THSD7B: variants seen among roughly 807,000 people sequenced by gnomAD.
The protein encoded by THSD7B is thrombospondin type-1 domain-containing protein 7B.
Under a neutral mutation model 213.6 loss-of-function variants are expected in THSD7B, and 138 were observed. That is an observed-to-expected ratio of 0.65 (90% CI 0.56 to 0.74). The LOEUF is 0.74. THSD7B is among the 30% of genes least tolerant of loss of function. The pLI, the probability that THSD7B is intolerant of heterozygous loss-of-function variation, is 0.00. For synonymous variants in THSD7B, 742 were observed against 687.0 expected, an observed-to-expected ratio of 1.08 and a Z score of -1.25; for missense variants, 1,931 against 1,991.5, an observed-to-expected ratio of 0.97 and a Z score of 0.58.
intron 17 of THSD7B, among the ~76,000 whole-genome samples, chr2:137,602,232 G>T (rs976985428): frequency 1.3e-5 from 2 of 152,046 alleles, no homozygotes; most frequent in Non-Finnish European, 2.9e-5. Context: ...ATAAAGGAAA[G>T]ACATTTATTT....
At chr2:137,375,303 C>T (rs765525361) in intron 12 of THSD7B, among the ~76,000 whole-genome samples, 24 of 151,972 alleles carry the variant, frequency 1.6e-4, no homozygotes, top group African/African-American at 3.9e-4. Context: ...CACAAAAAAC[C>T]GGAGGTCATT....
At chr2:136,999,078 A>G (rs545967571) in intron 2 of THSD7B, among the ~76,000 whole-genome samples, 2 of 152,088 alleles carry the variant, frequency 1.3e-5, no homozygotes, top group African/African-American at 2.4e-5. Flanking sequence ...CATCTATTTT[A>G]TGTATTCCTT....
chr2:137,132,702 C>T (rs1000506661), intron 5 of THSD7B, among the ~76,000 whole-genome samples: 1 of 152,154 alleles, frequency 6.6e-6, no homozygotes, highest in Non-Finnish European at 1.5e-5. Context: ...CTGGTGCAAA[C>T]CTCTCTCAGA....
intron 4 of THSD7B, among the ~76,000 whole-genome samples, chr2:137,107,059 A>T (rs1445968822): frequency 6.6e-6 from 1 of 152,222 alleles, no homozygotes; most frequent in African/African-American, 2.4e-5. Flanking sequence ...CCTAAGGATT[A>T]TAAATCATTC....
chr2:137,286,261 C>T (rs972378741), intron 12 of THSD7B, among the ~76,000 whole-genome samples: 11 of 151,998 alleles, frequency 7.2e-5, no homozygotes, highest in African/African-American at 2.7e-4. Flanking sequence ...TGAAAGTGTT[C>T]TCCTCAGCTA....
At chr2:137,032,453 C>T (rs1686693705) in intron 2 of THSD7B, among the ~76,000 whole-genome samples, 1 of 152,170 alleles carries the variant, frequency 6.6e-6, no homozygotes, top group Non-Finnish European at 1.5e-5. Flanking sequence ...CATTTTGTGC[C>T]TATCCCAGTT....
At chr2:137,062,539 A>C (rs1396704143) in intron 3 of THSD7B, among the ~76,000 whole-genome samples, 1 of 151,668 alleles carries the variant, frequency 6.6e-6, no homozygotes, top group Admixed American at 6.6e-5. Context: ...AGTTCTAAAT[A>C]TTTTTGCATT....
intron 12 of THSD7B, among the ~76,000 whole-genome samples, chr2:137,315,493 A>G (rs975869314): frequency 2.0e-5 from 3 of 152,166 alleles, no homozygotes; most frequent in Non-Finnish European, 4.4e-5. Flanking sequence ...TGGGAGCTGT[A>G]GACCGGAGCT....
chr2:136,918,255 T>C (rs1684378497), intron 2 of THSD7B, among the ~76,000 whole-genome samples: 1 of 152,212 alleles, frequency 6.6e-6, no homozygotes, highest in Non-Finnish European at 1.5e-5. Context: ...TGACTTCTGA[T>C]GGAGGAACCT....
intron 12 of THSD7B, among the ~76,000 whole-genome samples, chr2:137,328,325 G>A (rs1684418576): frequency 6.6e-6 from 1 of 152,162 alleles, no homozygotes; most frequent in Non-Finnish European, 1.5e-5. Flanking sequence ...CTAGTTTCTA[G>A]TAGCAACAGA....
intron 2 of THSD7B, among the ~76,000 whole-genome samples, chr2:137,016,421 A>G (rs531961674): frequency 6.6e-6 from 1 of 152,288 alleles, no homozygotes; most frequent in African/African-American, 2.4e-5. Flanking sequence ...TCCATCTTTT[A>G]GAGGACTGTA....
chr2:136,996,560 A>G (rs892038631), intron 2 of THSD7B, among the ~76,000 whole-genome samples: 3 of 152,050 alleles, frequency 2.0e-5, no homozygotes, highest in African/African-American at 4.8e-5. Flanking sequence ...TGTCCAGGCT[A>G]GTCTTAAACC....
intron 7 of THSD7B, among the ~76,000 whole-genome samples, chr2:137,205,522 T>C (rs1403686669): frequency 1.3e-5 from 2 of 152,136 alleles, no homozygotes; most frequent in Non-Finnish European, 2.9e-5. Context: ...GTTCCTTTTT[T>C]GTTTTTGGTA....
At chr2:137,542,400 A>G (rs1680626210) in intron 15 of THSD7B, among the ~76,000 whole-genome samples, 1 of 151,626 alleles carries the variant, frequency 6.6e-6, no homozygotes, top group African/African-American at 2.4e-5. Context: ...ATAAACTAAA[A>G]CTGAGTATAT....
chr2:137,147,678 AC>A (rs2104971178), intron 5 of THSD7B, among the ~76,000 whole-genome samples: 1 of 152,192 alleles, frequency 6.6e-6, no homozygotes, highest in Admixed American at 6.5e-5. Context: ...AGGTCAGGGT[AC>A]CTACCTTCTG....
At chr2:137,094,320 C>T (rs551683842) in intron 3 of THSD7B, among the ~76,000 whole-genome samples, 2 of 152,180 alleles carry the variant, frequency 1.3e-5, no homozygotes, top group Non-Finnish European at 1.5e-5. Flanking sequence ...CCTGTAGTCC[C>T]AGTACTTTGG....
chr2:137,210,551 G>A (rs1380492885), intron 7 of THSD7B, among the ~76,000 whole-genome samples: 2 of 151,880 alleles, frequency 1.3e-5, no homozygotes, highest in African/African-American at 4.8e-5. Context: ...AACATTCAAG[G>A]ACAAATCTCT....
intron 12 of THSD7B, among the ~76,000 whole-genome samples, chr2:137,342,529 C>A (rs551054145): frequency 6.6e-5 from 10 of 151,686 alleles, no homozygotes; most frequent in Middle Eastern, 3.4e-3. Flanking sequence ...ATTGTTCTGA[C>A]AAGGACTTCC....
Position 137,097,769 on chromosome 2 carries a change from GACACACACACACACAC to G in THSD7B, c.1199+2673_1199+2688del, listed in dbSNP as rs3050089. 7.8e-5 allele frequency among the ~76,000 whole-genome samples: 11 copies of G among 141,458 alleles called. No individual in the cohort carries two copies. The South Asian group carries it at 2.6e-3, about 34-fold the overall frequency. The allele number at this position is 141,458 out of a possible 152,430, so 92.8% of individuals were successfully genotyped here. A position where few individuals can be genotyped will look rare whatever the true frequency, so the allele number is the denominator to read the frequency against. ...ACTGTTTGAAAATGCCGCTAAGTTT[GACACACACACACACAC>G]ACACACACACACACACACACACACC... is the stretch of plus-strand genomic sequence containing the variant. On this transcript the variant is annotated intron_variant, in intron 4 of 27. Transcript: ENST00000409968.
Sources: allele counts gnomAD v4.1 joint callset (sites outside exome capture counted in the v4.1 genomes callset), GRCh38; gene constraint gnomAD v4.1.1; transcripts MANE v1.5; gene names NCBI Gene and HGNC (gene_info 2026-07-23, HGNC 2026-07-21).